The following CSTL1 variants were observed in gnomAD, a reference collection of about 807,000 sequenced individuals.
The protein encoded by CSTL1 is cystatin like 1, also known as cystatin-like 1.
Under a neutral mutation model 14.4 loss-of-function variants are expected in CSTL1, and 14 were observed. The observed-to-expected ratio is 0.97, with a 90% CI of 0.64 to 1.52. The LOEUF (loss-of-function observed/expected upper bound fraction) is 1.52. CSTL1 is among the 40% of genes most tolerant of loss of function. CSTL1 has a pLI of 0.00. For synonymous variants in CSTL1, 72 were observed against 67.5 expected (o/e 1.07, Z -0.33); for missense variants, 170 against 168.7 (o/e 1.01, Z -0.04).
intron 2 of CSTL1, among the ~76,000 whole-genome samples, chr20:23,441,331 C>T (rs1036509931): frequency 6.6e-6 from 1 of 152,178 alleles, no homozygotes; most frequent in African/African-American, 2.4e-5. Flanking sequence ...ACCTCACCTT[C>T]TGTTTTACAT....
In CSTL1 at chr20:23,443,864, G is replaced by C. The variant is rs370183295; in HGVS notation, c.220-70G>C. The C allele has an allele frequency of 1.0e-4, 116 of 1,156,298 alleles. No homozygotes were observed. The African/African-American group carries it at 1.4e-3, about 14-fold the overall frequency. The allele number at this position is 1,156,298 out of a possible 1,614,324, so 71.6% of individuals were successfully genotyped here. A position where few individuals can be genotyped will look rare whatever the true frequency, so the allele number is the denominator to read the frequency against. On this transcript the variant is annotated intron_variant, in intron 2 of 3. Coordinates refer to ENST00000347397, the MANE Select transcript of CSTL1 (RefSeq NM_138283.1). Reference sequence around the variant, plus strand: ...CCTGGGAGCTTTACTCTCAGTCCTAGCTTCTCCAGGAGAGGGTCAGCCACT... The same window carrying C: ...CCTGGGAGCTTTACTCTCAGTCCTACCTTCTCCAGGAGAGGGTCAGCCACT...
the CSTL1 span, among the ~76,000 whole-genome samples, chr20:23,454,997 C>G: frequency 6.6e-6 from 1 of 152,132 alleles, no homozygotes; most frequent in Non-Finnish European, 1.5e-5. Context: ...ATTGCTGACT[C>G]AGTTACAAAG....
chr20:23,445,038 A>C, downstream of CSTL1: 1 of 647,254 alleles, frequency 1.5e-6, no homozygotes, highest in Non-Finnish European at 2.8e-6. Context: ...CACACACACA[A>C]TGCTCATACT....
chr20:23,442,230 C>T (rs1986851182), intron 2 of CSTL1: 1 of 152,250 alleles, frequency 6.6e-6, no homozygotes, highest in African/African-American at 2.4e-5. Flanking sequence ...CCCATATGAC[C>T]ATTGTGTCTG....
the CSTL1 span, among the ~76,000 whole-genome samples, chr20:23,451,644 T>C: frequency 6.6e-6 from 1 of 152,162 alleles, no homozygotes; most frequent in Non-Finnish European, 1.5e-5. Flanking sequence ...GAGCAGCATC[T>C]CGGCTGTCTC....
rs1205238667 is a variant in CSTL1 at position 23,440,176 on chromosome 20, G to T, written c.-92G>T. On this transcript the variant is annotated 5_prime_UTR_variant, in exon 2 of 4. Coordinates refer to ENST00000347397, the MANE Select transcript of CSTL1 (RefSeq NM_138283.1). Reference sequence around the variant, plus strand: ...ATCCCCCAGGAAAGCCTATGTTGGTGAGGGTTATGATGGGAGAATGAGTGA... The same window carrying T: ...ATCCCCCAGGAAAGCCTATGTTGGTTAGGGTTATGATGGGAGAATGAGTGA... The T allele has an allele frequency of 8.3e-6, 11 of 1,331,818 alleles. No individual in the cohort carries two copies. In the East Asian group the frequency reaches 2.3e-4, roughly 28 times the overall value. 82.5% of individuals were successfully genotyped at this position (1,331,818 alleles called of 1,614,324 possible).
the CSTL1 span, chr20:23,459,163 A>C: frequency 1.3e-5 from 2 of 152,256 alleles, no homozygotes; most frequent in Non-Finnish European, 2.9e-5. Context: ...CACGGATGCC[A>C]CTGCTATCTG....
At chr20:23,460,231 A>G in the CSTL1 span, among the ~76,000 whole-genome samples, 1 of 152,312 alleles carries the variant, frequency 6.6e-6, no homozygotes, top group East Asian at 1.9e-4. Flanking sequence ...GCCCTCACCA[A>G]CAGGAAGTCC....
the CSTL1 span, chr20:23,459,299 C>G: frequency 1.3e-5 from 2 of 152,310 alleles, no homozygotes; most frequent in East Asian, 3.9e-4. Context: ...TCTGGCTCCA[C>G]CATTGACCAG....
At chr20:23,450,478 GT>G in the CSTL1 span, 16 of 1,493,144 alleles carry the variant, frequency 1.1e-5, no homozygotes, top group South Asian at 1.8e-4. Flanking sequence ...CTCACATGCA[GT>G]GGCCGCAGTT....
intron 2 of CSTL1, among the ~76,000 whole-genome samples, chr20:23,443,497 A>G (rs1986886799): frequency 6.8e-6 from 1 of 148,072 alleles, no homozygotes; most frequent in Non-Finnish European, 1.5e-5. Flanking sequence ...TTTTAACTGT[A>G]TTGCTAAGCT....
At chr20:23,443,067 G>A (rs1297984514) in intron 2 of CSTL1, among the ~76,000 whole-genome samples, 2 of 152,166 alleles carry the variant, frequency 1.3e-5, no homozygotes, top group Non-Finnish European at 2.9e-5. Context: ...GTTCTCCATG[G>A]CTCGTGTACC....
the CSTL1 span, among the ~76,000 whole-genome samples, chr20:23,455,700 C>T: frequency 3.3e-5 from 5 of 152,188 alleles, no homozygotes; most frequent in African/African-American, 9.7e-5. Flanking sequence ...TTCCCTCAGG[C>T]CCCAGGTAGC....
rs1986778616 is a variant in CSTL1 at position 23,439,691 on chromosome 20, A to C, written c.-240A>C. On this transcript the variant is annotated 5_prime_UTR_variant, in exon 1 of 4. Coordinates refer to ENST00000347397, the MANE Select transcript of CSTL1 (RefSeq NM_138283.1). ...GTGCAGGGCCTGCAGGTATAGGGGG[A>C]TCCTGCAAGCAGAAATCTGTGGTGG... 1 of 161,390 alleles carries C rather than the reference A, an allele frequency of 6.2e-6. No homozygotes were observed. Among genetic ancestry groups the C allele is most frequent in the South Asian group, 1.7e-4 (1 of 5,826 alleles). 10.0% of individuals were successfully genotyped at this position (161,390 alleles called of 1,614,324 possible). A position where few individuals can be genotyped will look rare whatever the true frequency, so the allele number is the denominator to read the frequency against.
chr20:23,440,154 C>T lies in CSTL1; in HGVS notation c.-114C>T, dbSNP rs1600271281. 3 of 1,029,376 alleles carry T rather than the reference C, an allele frequency of 2.9e-6. No individual in the cohort carries two copies. Among genetic ancestry groups the T allele is most frequent in the East Asian group, 4.9e-5 (2 of 40,842 alleles). The allele number at this position is 1,029,376 out of a possible 1,614,324, so 63.8% of individuals were successfully genotyped here. On this transcript the variant is annotated 5_prime_UTR_variant, in exon 2 of 4. Coordinates refer to ENST00000347397, the MANE Select transcript of CSTL1 (RefSeq NM_138283.1). The stretch of plus-strand genomic sequence containing the variant: ...TCTGTTTAAATGCAGGCAGGCCATC[C>T]CCCAGGAAAGCCTATGTTGGTGAGG...
At chr20:23,450,419 A>G in the CSTL1 span, 2 of 815,404 alleles carry the variant, frequency 2.5e-6, no homozygotes. Flanking sequence ...GAATATGTTG[A>G]CAAACATTTA....
chr20:23,441,961 A>G (rs934596962), intron 2 of CSTL1, among the ~76,000 whole-genome samples: 1 of 152,170 alleles, frequency 6.6e-6, no homozygotes. Context: ...TCCTCATCCC[A>G]ATGCAGACTG....
Position 23,444,822 on chromosome 20 carries a change from C to T in CSTL1, c.382C>T (p.Gln128Ter), listed in dbSNP as rs1468704981. ...IYTMPWINYF[Q>*]LWNNSCLEAE... ...CACCATGCCCTGGATAAACTATTTC[C>T]AGCTCTGGAACAATTCCTGTCTGGA... Residue 128 changes from glutamine to a stop codon, truncating the protein, a stop_gained, in exon 4 of 4, where the codon CAG becomes TAG. Coordinates refer to ENST00000347397, the MANE Select transcript of CSTL1 (RefSeq NM_138283.1). LOFTEE classifies it low-confidence loss of function (END_TRUNC). The T allele has an allele frequency of 6.2e-7, 1 of 1,614,032 alleles. No homozygotes were observed. Among genetic ancestry groups the T allele is most frequent in the Non-Finnish European group, 8.5e-7 (1 of 1,179,924 alleles).
the CSTL1 span, among the ~76,000 whole-genome samples, chr20:23,453,134 C>G: frequency 6.7e-6 from 1 of 148,738 alleles, no homozygotes; most frequent in Non-Finnish European, 1.5e-5. Flanking sequence ...GCGAGGGCCC[C>G]TGGGAGTCCT....
Sources: gnomAD v4.1 joint callset for allele counts (sites outside exome capture counted in the v4.1 genomes callset) on GRCh38, gnomAD v4.1.1 for gene constraint, MANE v1.5 for transcripts, NCBI Gene and HGNC (gene_info 2026-07-23, HGNC 2026-07-21) for gene names.